The following PNPLA8 variants were observed in gnomAD, a reference collection of about 807,000 sequenced individuals.
PNPLA8 encodes patatin like domain 8, phospholipase A2.
A neutral mutation model predicts 76.9 loss-of-function variants in PNPLA8; 39 were observed. The ratio of observed to expected loss-of-function variants is 0.51; its 90% CI spans 0.39 to 0.66. PNPLA8 has a LOEUF of 0.66. Ranked by LOEUF, PNPLA8 falls within the 30% of genes least tolerant of loss-of-function variation. The pLI, the probability that PNPLA8 is intolerant of heterozygous loss-of-function variation, is 0.00. For synonymous variants in PNPLA8, 301 were observed against 307.9 expected (o/e 0.98, Z 0.24); for missense variants, 887 against 918.0 (o/e 0.97, Z 0.44).
At position 108,514,641 on chromosome 7, in the gene PNPLA8, T is replaced by G; in HGVS notation, c.851A>C (p.Lys284Thr). 1 of 1,613,976 alleles carries G rather than the reference T, an allele frequency of 6.2e-7. No individual in the cohort carries two copies. The highest frequency in any genetic ancestry group is 8.5e-7 in the Non-Finnish European group (1 of 1,179,886). The change falls in exon 3 of 11, where the codon AAA (lysine) becomes ACA (threonine). Residue 284 changes from lysine (K) to threonine (T), a missense_variant. Transcript: ENST00000257694. ...AGAAAGAAAGTTAGCAATACTTTGTTTAGTTGAAACTTGAAGAACATCAGG... is the reference window on the plus strand; with the variant it reads ...AGAAAGAAAGTTAGCAATACTTTGTGTAGTTGAAACTTGAAGAACATCAGG... Reference protein sequence around the residue: ...AIPDVLQVSTKQSIANFLSRP... With the variant: ...AIPDVLQVSTTQSIANFLSRP...
chr7:108,518,554 C>G (rs914971325), intron 2 of PNPLA8, among the ~76,000 whole-genome samples: 1 of 151,880 alleles, frequency 6.6e-6, no homozygotes, highest in Non-Finnish European at 1.5e-5. Context: ...CTGTACCACT[C>G]TGGTGGGTGA....
chr7:108,490,212 A>G (rs10256900), intron 8 of PNPLA8, among the ~76,000 whole-genome samples: 26,267 of 148,956 alleles, frequency 0.18, 2,761 homozygotes, highest in East Asian at 0.34. Context: ...TAGGAACTAT[A>G]GGCTATACCA....
chr7:108,510,195 AAG>A (rs1191871340), intron 4 of PNPLA8: 1 of 951,400 alleles, frequency 1.1e-6, no homozygotes, highest in Non-Finnish European at 1.5e-6. Context: ...AAAAAAAAGA[AAG>A]AAAACCGGTA....
chr7:108,526,197 C>CG (rs1446464593), upstream of PNPLA8: 1 of 672,972 alleles, frequency 1.5e-6, no homozygotes, highest in Non-Finnish European at 1.8e-6. Flanking sequence ...GCGGAAGTGA[C>CG]GCGCTAGAAG....
chr7:108,479,290 T>TACTATGCACTCTAACGGCAC lies in PNPLA8; in HGVS notation c.1948_1967dup (p.Ser657CysfsTer3). ...TCTCATAACGTCCAGTGCCCAGGGA[T>TACTATGCACTCTAACGGCAC]ACTATGCACTCTAACGGCACATCTG... is the stretch of plus-strand genomic sequence containing the variant. On this transcript the variant is annotated stop_gained and frameshift_variant, in exon 10 of 11. Coordinates refer to ENST00000257694, the MANE Select transcript of PNPLA8 (RefSeq NM_001256007.3). LOFTEE classifies it high-confidence loss of function. 6.2e-7 allele frequency: 1 copy of TACTATGCACTCTAACGGCAC among 1,609,074 alleles called. No homozygotes were observed. The highest frequency in any genetic ancestry group is 8.5e-7 in the Non-Finnish European group (1 of 1,175,322).
intron 8 of PNPLA8, among the ~76,000 whole-genome samples, 164 bp from the exon 9 acceptor site, chr7:108,488,117 T>C (rs1285145020): frequency 6.6e-6 from 1 of 152,208 alleles, no homozygotes; most frequent in Non-Finnish European, 1.5e-5. Context: ...AGGCATTTCT[T>C]TGTGGGATAA....
At chr7:108,511,269 T>A (rs1359487820) in intron 4 of PNPLA8, among the ~76,000 whole-genome samples, 1 of 152,166 alleles carries the variant, frequency 6.6e-6, no homozygotes, top group Non-Finnish European at 1.5e-5. Context: ...CTGGAAATGA[T>A]TAGGTTAATG....
intron 4 of PNPLA8, among the ~76,000 whole-genome samples, chr7:108,503,860 A>G (rs1862139386): frequency 6.6e-6 from 1 of 152,208 alleles, no homozygotes; most frequent in Non-Finnish European, 1.5e-5. Context: ...AGGGGTTTGG[A>G]GTGAAAAAAA....
intron 9 of PNPLA8, among the ~76,000 whole-genome samples, chr7:108,481,702 A>G (rs117178202): frequency 0.015 from 2,221 of 152,268 alleles, 20 homozygotes; most frequent in Middle Eastern, 0.034. Flanking sequence ...CAGTTTATCA[A>G]TTTTTAAATT....
At chr7:108,510,479 C>A in intron 4 of PNPLA8, 4 of 1,405,870 alleles carry the variant, frequency 2.8e-6, no homozygotes, top group Admixed American at 1.7e-5. Context: ...CTACTTTGTA[C>A]CTGCAGAACC....
At chr7:108,476,360 A>G (rs1275294019) in intron 10 of PNPLA8, among the ~76,000 whole-genome samples, 1 of 152,202 alleles carries the variant, frequency 6.6e-6, no homozygotes, top group Non-Finnish European at 1.5e-5. Flanking sequence ...GACTAAAGCC[A>G]CTTGTCTCAG....
chr7:108,484,313 C>T (rs188763994), intron 9 of PNPLA8, among the ~76,000 whole-genome samples: 27 of 152,272 alleles, frequency 1.8e-4, no homozygotes, highest in Non-Finnish European at 3.2e-4. Context: ...CTACTCTTGT[C>T]AGATGGCTAT....
At chr7:108,493,444 C>T (rs1012466460) in intron 7 of PNPLA8, among the ~76,000 whole-genome samples, 1 of 151,938 alleles carries the variant, frequency 6.6e-6, no homozygotes, top group Non-Finnish European at 1.5e-5. Context: ...GAGTCTCGCT[C>T]TGTCGCCCAG....
intron 7 of PNPLA8, among the ~76,000 whole-genome samples, chr7:108,494,069 A>T (rs1018842871): frequency 1.1e-4 from 16 of 152,062 alleles, no homozygotes; most frequent in African/African-American, 2.9e-4. Context: ...ACATCTGATT[A>T]AAAAAAAGCT....
At chr7:108,512,866 A>G (rs1863040174) in intron 4 of PNPLA8, among the ~76,000 whole-genome samples, 3 of 152,190 alleles carry the variant, frequency 2.0e-5, no homozygotes, top group Admixed American at 6.5e-5. Context: ...TGCAAGATAA[A>G]AGAGTCCTCA....
chr7:108,525,058 T>A lies in PNPLA8; in HGVS notation c.-130+971A>T, dbSNP rs370837869. On this transcript the variant is annotated intron_variant, in intron 1 of 10. Coordinates refer to ENST00000257694, the MANE Select transcript of PNPLA8 (RefSeq NM_001256007.3). ...TCATTAAAAGGGCGTTTACAAGATTTTAATTTAGTCCTGATATAGAAATAA... is the reference window on the plus strand; with the variant it reads ...TCATTAAAAGGGCGTTTACAAGATTATAATTTAGTCCTGATATAGAAATAA... Among the ~76,000 whole-genome samples, 41 of 152,332 alleles carry A rather than the reference T, an allele frequency of 2.7e-4. 1 individual carries two copies. The South Asian group carries it at 8.5e-3, about 32-fold the overall frequency.
intron 10 of PNPLA8, among the ~76,000 whole-genome samples, chr7:108,476,058 ATAGTCT>A (rs1859968729): frequency 6.6e-6 from 1 of 152,190 alleles, no homozygotes; most frequent in East Asian, 1.9e-4. Flanking sequence ...TTCTTAATTC[ATAGTCT>A]TAATCACTTA....
At chr7:108,478,455 A>G (rs767515168) in intron 10 of PNPLA8, among the ~76,000 whole-genome samples, 2 of 152,150 alleles carry the variant, frequency 1.3e-5, no homozygotes, top group Non-Finnish European at 2.9e-5. Context: ...TAGTGGCACA[A>G]TCTTGGCTCA....
At chr7:108,499,290 A>G (rs533225026) in intron 5 of PNPLA8, among the ~76,000 whole-genome samples, 2 of 152,314 alleles carry the variant, frequency 1.3e-5, no homozygotes, top group South Asian at 2.1e-4. Flanking sequence ...AACTACTCGT[A>G]TAATTGGGAA....
Sources: gnomAD v4.1 joint callset for allele counts (sites outside exome capture counted in the v4.1 genomes callset) on GRCh38, gnomAD v4.1.1 for gene constraint, MANE v1.5 for transcripts, NCBI Gene and HGNC (gene_info 2026-07-23, HGNC 2026-07-21) for gene names.